RYR2: variants seen among roughly 807,000 people sequenced by gnomAD.
The protein encoded by RYR2 is cardiac muscle ryanodine receptor-calcium release channel.
In RYR2, 227 loss-of-function variants were observed where a neutral mutation model predicts 601.1. The ratio of observed to expected loss-of-function variants is 0.38; its 90% CI spans 0.34 to 0.42. The LOEUF is 0.42. Ranked by LOEUF, RYR2 falls within the 10% of genes least tolerant of loss-of-function variation. The pLI is 1.00. For missense variants in RYR2, 4,646 were observed against 6,156.5 expected, an observed-to-expected ratio of 0.75 and a Z score of 8.21; for synonymous variants, 2,223 against 2,175.1, an observed-to-expected ratio of 1.02 and a Z score of -0.61.
intron 1 of RYR2, among the ~76,000 whole-genome samples, chr1:237,148,078 CGTGTCACACATATATTATGGT>C (rs1353854344): frequency 6.6e-6 from 1 of 152,130 alleles, no homozygotes. Flanking sequence ...CACCGCATGT[CGTGTCACACATATATTATGGT>C]GGAGATGACA....
At position 237,566,673 on chromosome 1, in the gene RYR2, G is replaced by A. The variant is rs377716608; in HGVS notation, c.3321G>A (p.Thr1107=). The part of the protein sequence containing the change: ...KAGRWYFEFE[T]VTAGDMRVGW... ...GACGGTGGTATTTTGAATTTGAGACGGTCACTGCTGGAGACATGAGGGTTG... is the reference window on the plus strand; with the variant it reads ...GACGGTGGTATTTTGAATTTGAGACAGTCACTGCTGGAGACATGAGGGTTG... Residue 1107 remains threonine, a synonymous_variant, in exon 28 of 105, where the codon ACG becomes ACA. Coordinates refer to ENST00000366574, the MANE Select transcript of RYR2 (RefSeq NM_001035.3). The A allele has an allele frequency of 2.0e-5, 33 of 1,613,874 alleles. No individual in the cohort carries two copies. Among genetic ancestry groups the A allele is most frequent in the South Asian group, 9.9e-5 (9 of 91,062 alleles).
At chr1:237,548,353 A>C in intron 25 of RYR2, 78 bp from the exon 26 acceptor site, 2 of 1,452,334 alleles carry the variant, frequency 1.4e-6, no homozygotes, top group Non-Finnish European at 1.9e-6. Flanking sequence ...GTAATGAGGT[A>C]GGGCCAGAAA....
At chr1:237,628,137 C>T in intron 41 of RYR2, 57 bp downstream of exon 41, 1 of 1,563,434 alleles carries the variant, frequency 6.4e-7, no homozygotes, top group Non-Finnish European at 8.7e-7. Flanking sequence ...AATTGTTATA[C>T]CTATAGAGCA....
chr1:237,682,257 C>T (rs965724975), intron 62 of RYR2, among the ~76,000 whole-genome samples: 3 of 152,068 alleles, frequency 2.0e-5, no homozygotes, highest in African/African-American at 7.2e-5. Flanking sequence ...GGCCCATTTA[C>T]CTTGGCCAAT....
chr1:237,472,420 C>T (rs986766230), intron 17 of RYR2, among the ~76,000 whole-genome samples: 7 of 152,102 alleles, frequency 4.6e-5, no homozygotes, highest in African/African-American at 1.7e-4. Context: ...TCCCCAGTGC[C>T]TTGGTTGTTT....
At chr1:237,383,489 G>A (rs1572074616) in intron 8 of RYR2, among the ~76,000 whole-genome samples, 2 of 133,978 alleles carry the variant, frequency 1.5e-5, no homozygotes, top group Admixed American at 8.0e-5. Flanking sequence ...GAGTACAGGG[G>A]CACGATCTCG....
At position 237,649,939 on chromosome 1, in the gene RYR2, G is replaced by A. The variant is rs1682560212; in HGVS notation, c.7575G>A (p.Leu2525=). The change falls in exon 50 of 105, where the codon TTG becomes TTA. Residue 2525 remains leucine, a synonymous_variant. Coordinates refer to ENST00000366574, the MANE Select transcript of RYR2 (RefSeq NM_001035.3). ...ALNRYLCTAV[L]PLLTRCAPLF... ...ATCGGTACCTTTGCACAGCCGTCTT[G>A]CCATTGTTAACAAGATGTGCTCCTC... 3 of 1,613,866 alleles carry A rather than the reference G, an allele frequency of 1.9e-6. No individual in the cohort carries two copies. The highest frequency in any genetic ancestry group is 2.5e-6 in the Non-Finnish European group (3 of 1,179,872).
intron 1 of RYR2, among the ~76,000 whole-genome samples, chr1:237,058,079 C>G (rs1662389450): frequency 6.6e-6 from 1 of 152,126 alleles, no homozygotes; most frequent in Admixed American, 6.5e-5. Flanking sequence ...CTCATTAAGA[C>G]AAATGGGAGA....
intron 3 of RYR2, among the ~76,000 whole-genome samples, chr1:237,348,662 A>G (rs78255666): frequency 6.6e-6 from 1 of 152,312 alleles, no homozygotes; most frequent in Non-Finnish European, 1.5e-5. Context: ...GCTTGTATAC[A>G]AATTTTAACA....
chr1:237,289,386 A>G (rs1055610602), intron 2 of RYR2, among the ~76,000 whole-genome samples: 1 of 152,186 alleles, frequency 6.6e-6, no homozygotes, highest in African/African-American at 2.4e-5. Context: ...CTGAGACTGG[A>G]TAATTTATAA....
intron 1 of RYR2, among the ~76,000 whole-genome samples, chr1:237,231,409 C>A (rs1684987688): frequency 6.6e-6 from 1 of 151,732 alleles, no homozygotes; most frequent in Non-Finnish European, 1.5e-5. Flanking sequence ...GATCCTCCTG[C>A]CTCTGCCTCC....
intron 58 of RYR2, among the ~76,000 whole-genome samples, chr1:237,672,193 G>T (rs1685009232): frequency 6.6e-6 from 1 of 152,166 alleles, no homozygotes; most frequent in Admixed American, 6.5e-5. Context: ...TTCAATGAAG[G>T]TCGAAGAGGG....
rs376834009 is a variant in RYR2, at chr1:237,506,728, C to T, written c.2632C>T (p.Leu878=). 14 of 1,612,632 alleles carry T rather than the reference C, an allele frequency of 8.7e-6. No homozygotes were observed. Among genetic ancestry groups the T allele is most frequent in the Non-Finnish European group, 1.1e-5 (13 of 1,179,502 alleles). ...ATTTTAGATCGTGTTGCCTCCTCATCTAGAAAGAATAAGAGAAAAACTGGC... is the reference window on the plus strand; with the variant it reads ...ATTTTAGATCGTGTTGCCTCCTCATTTAGAAAGAATAAGAGAAAAACTGGC... The part of the protein sequence containing the change: ...DTSQIVLPPH[L]ERIREKLAEN... The change falls in exon 23 of 105, where the codon CTA becomes TTA. Residue 878 remains leucine (L), a synonymous_variant. Transcript: ENST00000366574.
At position 237,104,140 on chromosome 1, in the gene RYR2, G is replaced by A. The variant is rs190603725; in HGVS notation, c.48+61571G>A. ...TCGCCCATCCATCTCCCACCTTTTC[G>A]TTTTGTAGGTAGAACCTGGAGGGAG... On this transcript the variant is annotated intron_variant, in intron 1 of 104. Coordinates refer to ENST00000366574, the MANE Select transcript of RYR2 (RefSeq NM_001035.3). 1.8e-4 allele frequency among the ~76,000 whole-genome samples: 27 copies of A among 152,146 alleles called. No homozygotes were observed. The South Asian group carries it at 2.5e-3, about 14-fold the overall frequency.
intron 27 of RYR2, among the ~76,000 whole-genome samples, chr1:237,561,222 T>C (rs1465390687): frequency 6.6e-6 from 1 of 152,184 alleles, no homozygotes. Flanking sequence ...TTACCGAAGT[T>C]ATGTGAACAG....
At position 237,831,438 on chromosome 1, in the gene RYR2, A is replaced by G. The variant is rs948928243; in HGVS notation, c.14757-76A>G. On this transcript the variant is annotated intron_variant, in intron 103 of 104. Coordinates refer to ENST00000366574, the MANE Select transcript of RYR2 (RefSeq NM_001035.3). ...TGGCCATAATTGATTGCAACCATAC[A>G]ATTTATCTAAATATGCCCTGTTTAT... 1.6e-5 allele frequency: 13 copies of G among 819,600 alleles called. No homozygotes were observed. In the African/African-American group the frequency reaches 2.1e-4, roughly 13 times the overall value. The allele number at this position is 819,600 out of a possible 1,614,324, so 50.8% of individuals were successfully genotyped here.
intron 80 of RYR2, among the ~76,000 whole-genome samples, chr1:237,747,194 A>G (rs937207304): frequency 6.6e-6 from 1 of 152,240 alleles, no homozygotes; most frequent in African/African-American, 2.4e-5. Context: ...CTTGTCTTCC[A>G]GCCATCTTTC....
intron 44 of RYR2, among the ~76,000 whole-genome samples, chr1:237,637,139 A>G (rs977592147): frequency 9.2e-5 from 14 of 152,208 alleles, no homozygotes; most frequent in Non-Finnish European, 1.6e-4. Flanking sequence ...CTCAAAGCTC[A>G]TTGAATTTAT....
rs535140976 is a variant in RYR2 at position 237,592,202 on chromosome 1, G to A, written c.4275+349G>A. On this transcript the variant is annotated intron_variant, in intron 32 of 104. Transcript: ENST00000366574. Reference sequence around the variant, plus strand: ...GATCAATCATCATAATTTGTGAGAGGTCAAGCTTTGCTCCCTTCCATTTTA... The same window carrying A: ...GATCAATCATCATAATTTGTGAGAGATCAAGCTTTGCTCCCTTCCATTTTA... Among the ~76,000 whole-genome samples, 14 of 152,206 alleles carry A rather than the reference G, an allele frequency of 9.2e-5. No individual in the cohort carries two copies. In the South Asian group the frequency reaches 2.9e-3, roughly 32 times the overall value.
Sources: gnomAD v4.1 joint callset for allele counts (sites outside exome capture counted in the v4.1 genomes callset) on GRCh38, gnomAD v4.1.1 for gene constraint, MANE v1.5 for transcripts, NCBI Gene and HGNC (gene_info 2026-07-23, HGNC 2026-07-21) for gene names.